SUGCT: variants seen among roughly 807,000 people sequenced by gnomAD.
SUGCT encodes succinyl-CoA:glutarate-CoA transferase.
Under a neutral mutation model 55.0 loss-of-function variants are expected in SUGCT, and 41 were observed. That is an observed-to-expected ratio of 0.74 (90% CI 0.58 to 0.97). The LOEUF is 0.97. SUGCT is among the 50% of genes least tolerant of loss of function. The pLI is 0.00. For missense variants in SUGCT, 568 were observed against 547.8 expected, an observed-to-expected ratio of 1.04 and a Z score of -0.37; for synonymous variants, 187 against 200.4, an observed-to-expected ratio of 0.93 and a Z score of 0.56.
intron 6 of SUGCT, among the ~76,000 whole-genome samples, chr7:40,233,608 T>G (rs1339231760): frequency 6.6e-6 from 1 of 152,248 alleles, no homozygotes; most frequent in Non-Finnish European, 1.5e-5. Flanking sequence ...CAACATAATT[T>G]AAATGCTTAG....
chr7:40,407,241 C>T (rs1339090217), intron 9 of SUGCT, among the ~76,000 whole-genome samples: 2 of 151,790 alleles, frequency 1.3e-5, no homozygotes, highest in Non-Finnish European at 2.9e-5. Flanking sequence ...AAAATTTTAC[C>T]CTGATTGGCT....
the SUGCT span, among the ~76,000 whole-genome samples, chr7:40,871,671 C>T: frequency 0.11 from 16,775 of 151,462 alleles, 1,032 homozygotes; most frequent in Middle Eastern, 0.19. Context: ...ATAGTCCCCC[C>T]GCCCCCACCC....
At chr7:40,695,745 T>C (rs552312070) in intron 12 of SUGCT, among the ~76,000 whole-genome samples, 2 of 152,292 alleles carry the variant, frequency 1.3e-5, no homozygotes, top group South Asian at 4.1e-4. Flanking sequence ...GAATAATCGT[T>C]ATGGGGGCTG....
At chr7:40,643,945 C>T (rs1800379969) in intron 12 of SUGCT, among the ~76,000 whole-genome samples, 1 of 152,208 alleles carries the variant, frequency 6.6e-6, no homozygotes, top group Non-Finnish European at 1.5e-5. Flanking sequence ...ACATGTTCTT[C>T]TTTCCCTTTG....
At chr7:40,266,062 C>T (rs539833625) in intron 7 of SUGCT, among the ~76,000 whole-genome samples, 8 of 152,044 alleles carry the variant, frequency 5.3e-5, no homozygotes, top group Admixed American at 5.2e-4. Context: ...TAAAGAAAAA[C>T]CACTAAACCA....
At chr7:40,720,259 A>G (rs1237298162) in intron 12 of SUGCT, among the ~76,000 whole-genome samples, 3 of 152,126 alleles carry the variant, frequency 2.0e-5, no homozygotes, top group Admixed American at 2.0e-4. Flanking sequence ...TTTGTGTTAG[A>G]TCTGTATTTG....
intron 9 of SUGCT, among the ~76,000 whole-genome samples, chr7:40,317,092 G>T (rs1044621829): frequency 1.3e-5 from 2 of 151,072 alleles, no homozygotes; most frequent in African/African-American, 4.9e-5. Flanking sequence ...AAAGGAACTT[G>T]CTGAAAGTAA....
the SUGCT span, among the ~76,000 whole-genome samples, chr7:41,038,181 T>A: frequency 6.6e-6 from 1 of 152,154 alleles, no homozygotes; most frequent in Admixed American, 6.5e-5. Flanking sequence ...AAGTGAGGCA[T>A]CCGTCTGACC....
intron 8 of SUGCT, among the ~76,000 whole-genome samples, chr7:40,287,123 G>GT (rs777041227): frequency 2.2e-4 from 33 of 152,270 alleles, no homozygotes; most frequent in Non-Finnish European, 3.5e-4. Context: ...TACATAGGCT[G>GT]TTTATATTCT....
At chr7:40,923,618 TG>T in the SUGCT span, among the ~76,000 whole-genome samples, 1 of 152,326 alleles carries the variant, frequency 6.6e-6, no homozygotes, top group Non-Finnish European at 1.5e-5. Flanking sequence ...GAAAAAGCAC[TG>T]ACTGGTCAAG....
At chr7:40,146,947 T>G (rs1028530107) in intron 1 of SUGCT, among the ~76,000 whole-genome samples, 3 of 152,156 alleles carry the variant, frequency 2.0e-5, no homozygotes, top group African/African-American at 7.2e-5. Flanking sequence ...TCTATCTCTC[T>G]CCTTCTTTCT....
intron 13 of SUGCT, among the ~76,000 whole-genome samples, chr7:40,813,765 G>T (rs1412660982): frequency 1.3e-5 from 2 of 152,132 alleles, no homozygotes; most frequent in East Asian, 3.9e-4. Flanking sequence ...TCGAGAAATT[G>T]TTAGTTGGTT....
the SUGCT span, among the ~76,000 whole-genome samples, chr7:40,932,616 G>A: frequency 3.9e-5 from 6 of 152,202 alleles, no homozygotes; most frequent in East Asian, 7.7e-4. Flanking sequence ...TCCTATATTG[G>A]GTGTGTATAT....
chr7:40,366,134 G>T (rs1417107137), intron 9 of SUGCT, among the ~76,000 whole-genome samples: 1 of 152,070 alleles, frequency 6.6e-6, no homozygotes, highest in Non-Finnish European at 1.5e-5. Flanking sequence ...TCCGATCTTT[G>T]ACAAACCTGA....
At chr7:40,421,991 C>G (rs1787333221) in intron 9 of SUGCT, among the ~76,000 whole-genome samples, 1 of 151,942 alleles carries the variant, frequency 6.6e-6, no homozygotes, top group Non-Finnish European at 1.5e-5. Context: ...GATCCGGTGT[C>G]TAACATTTTC....
chr7:40,577,245 C>T (rs1254148716), intron 12 of SUGCT, among the ~76,000 whole-genome samples: 2 of 152,092 alleles, frequency 1.3e-5, no homozygotes, highest in African/African-American at 4.8e-5. Context: ...GAGACAGGAG[C>T]TGGAAAAGAC....
At chr7:40,687,336 T>G (rs1784509118) in intron 12 of SUGCT, among the ~76,000 whole-genome samples, 1 of 152,216 alleles carries the variant, frequency 6.6e-6, no homozygotes, top group Non-Finnish European at 1.5e-5. Flanking sequence ...AATTCTTGTT[T>G]TGAGTTTTGT....
Position 40,395,226 on chromosome 7 carries a change from C to T in SUGCT, c.817-54061C>T, listed in dbSNP as rs764241229. On this transcript the variant is annotated intron_variant, in intron 9 of 13. Transcript: ENST00000335693. ...TTTTGAGGCCAGGTGAGGTGGCTCA[C>T]GCCTGCAATCCCAGCATTTTGGGAG... Among the ~76,000 whole-genome samples, 8 of 152,134 alleles carry T rather than the reference C, an allele frequency of 5.3e-5. No homozygotes were observed. In the South Asian group the frequency reaches 1.0e-3, roughly 20 times the overall value.
At chr7:40,767,882 T>C (rs777643861) in intron 13 of SUGCT, among the ~76,000 whole-genome samples, 37 of 152,048 alleles carry the variant, frequency 2.4e-4, no homozygotes, top group Non-Finnish European at 4.9e-4. Flanking sequence ...TTTTCCCATA[T>C]CCTGGAAGGA....
Sources: allele counts gnomAD v4.1 joint callset (sites outside exome capture counted in the v4.1 genomes callset), GRCh38; gene constraint gnomAD v4.1.1; transcripts MANE v1.5; gene names NCBI Gene and HGNC (gene_info 2026-07-23, HGNC 2026-07-21).